The following PPP6C variants were observed in gnomAD, a reference collection of about 807,000 sequenced individuals.
PPP6C encodes the protein serine/threonine-protein phosphatase 6 catalytic subunit.
PPP6C carries 11 observed loss-of-function variants against 39.8 expected under a neutral mutation model. The ratio of observed to expected loss-of-function variants is 0.28; its 90% CI spans 0.17 to 0.46. The LOEUF is 0.46. Ranked by LOEUF, PPP6C falls within the 20% of genes least tolerant of loss-of-function variation. The pLI, the probability that PPP6C is intolerant of heterozygous loss-of-function variation, is 1.00. For missense variants in PPP6C, 211 were observed against 373.9 expected (o/e 0.56, Z 3.59); for synonymous variants, 129 against 130.3 (o/e 0.99, Z 0.07).
At chr9:125,155,208 T>C (rs1015691172) in intron 4 of PPP6C, among the ~76,000 whole-genome samples, 5 of 152,082 alleles carry the variant, frequency 3.3e-5, no homozygotes, top group Non-Finnish European at 7.4e-5. Context: ...ACCCTGACTG[T>C]CTACATAGTT....
At chr9:125,169,238 A>G (rs1210448092) in intron 2 of PPP6C, among the ~76,000 whole-genome samples, 1 of 152,230 alleles carries the variant, frequency 6.6e-6, no homozygotes, top group African/African-American at 2.4e-5. Context: ...CATTGTCTAC[A>G]AAATAATCCT....
At chr9:125,171,240 T>G in intron 1 of PPP6C, 60 bp from the exon 2 acceptor site, 4 of 1,345,312 alleles carry the variant, frequency 3.0e-6, no homozygotes, top group Non-Finnish European at 4.1e-6. Flanking sequence ...AAAGATAAAA[T>G]ACCAAAAAAG....
At chr9:125,182,842 G>T (rs894678444) in intron 1 of PPP6C, among the ~76,000 whole-genome samples, 1 of 151,154 alleles carries the variant, frequency 6.6e-6, no homozygotes, top group Non-Finnish European at 1.5e-5. Flanking sequence ...TCTTTGGGGG[G>T]CAAAATTGCC....
At chr9:125,170,755 T>G (rs1025436748) in intron 2 of PPP6C, among the ~76,000 whole-genome samples, 1 of 152,116 alleles carries the variant, frequency 6.6e-6, no homozygotes, top group African/African-American at 2.4e-5. Flanking sequence ...CACCAAAACA[T>G]CTCCTGTTAA....
At chr9:125,161,174 CTT>C (rs1828867172) in intron 2 of PPP6C, among the ~76,000 whole-genome samples, 2 of 152,186 alleles carry the variant, frequency 1.3e-5, no homozygotes, top group Admixed American at 6.6e-5. Flanking sequence ...CCATCTATCT[CTT>C]GAGAATTCTG....
At chr9:125,175,795 A>G (rs1189521487) in intron 1 of PPP6C, among the ~76,000 whole-genome samples, 1 of 152,186 alleles carries the variant, frequency 6.6e-6, no homozygotes, top group African/African-American at 2.4e-5. Flanking sequence ...GTTCAATGCA[A>G]CAAATATTTA....
At chr9:125,156,138 TAAAA>T (rs775040183) in intron 4 of PPP6C, among the ~76,000 whole-genome samples, 1 of 151,990 alleles carries the variant, frequency 6.6e-6, no homozygotes, top group African/African-American at 2.4e-5. Context: ...TGAATGAAAA[TAAAA>T]AGTCACCTGT....
chr9:125,188,275 C>T (rs1829574624), intron 1 of PPP6C, among the ~76,000 whole-genome samples: 1 of 151,894 alleles, frequency 6.6e-6, no homozygotes, highest in African/African-American at 2.4e-5. Context: ...GTCCCAGCTA[C>T]TCGGGAGACT....
At chr9:125,150,897 CA>C (rs757173959) in intron 6 of PPP6C, 270 of 878,068 alleles carry the variant, frequency 3.1e-4, no homozygotes, top group Non-Finnish European at 4.7e-4. Flanking sequence ...TTCAGCGAGC[CA>C]GCTTACTGCA....
intron 2 of PPP6C, among the ~76,000 whole-genome samples, chr9:125,163,878 G>A (rs1365242639): frequency 7.0e-6 from 1 of 142,064 alleles, no homozygotes; most frequent in South Asian, 2.2e-4. Context: ...ACGGAGTTTC[G>A]TTCTTGTTGT....
chr9:125,189,735 C>T lies in PPP6C; in HGVS notation c.-17G>A, dbSNP rs1041020914. ...CGGCGCCATTTTAAGAATAACAAGC[C>T]GCGGCAACAGCGGCGGCGGCGGCTG... On this transcript the variant is annotated 5_prime_UTR_variant, in exon 1 of 7. Coordinates refer to ENST00000373547, the MANE Select transcript of PPP6C (RefSeq NM_002721.5). 1.9e-6 allele frequency: 3 copies of T among 1,566,490 alleles called. No individual in the cohort carries two copies. The highest frequency in any genetic ancestry group is 4.8e-5 in the East Asian group (2 of 41,500).
rs138589726 is a variant in PPP6C, at chr9:125,187,743, T to C, written c.75+1901A>G. On this transcript the variant is annotated intron_variant, in intron 1 of 6. Transcript: ENST00000373547. ...ACTAAGAGGTCTGGTTAGTTTTCCA[T>C]GAATTGGGTCCCAATGCTAGTTGTA... Among the ~76,000 whole-genome samples, 1,291 of 152,074 alleles carry C rather than the reference T, an allele frequency of 8.5e-3. 5 individuals are homozygous for C. The highest frequency in any genetic ancestry group is 0.024 in the Middle Eastern group (7 of 294).
intron 1 of PPP6C, among the ~76,000 whole-genome samples, chr9:125,189,407 C>T (rs553147529): frequency 2.6e-5 from 4 of 152,328 alleles, no homozygotes; most frequent in African/African-American, 9.6e-5. Context: ...GAAGGGGCGA[C>T]CCTGGGACAG....
chr9:125,153,457 T>A, intron 6 of PPP6C, 76 bp downstream of exon 6: 1 of 1,372,432 alleles, frequency 7.3e-7, no homozygotes. Context: ...ACAAGTTTGT[T>A]ATCTAGGGCC....
In PPP6C at chr9:125,149,225, T is replaced by G. The variant is rs913488478; in HGVS notation, c.*448A>C. 2 of 154,266 alleles carry G rather than the reference T, an allele frequency of 1.3e-5. No individual in the cohort carries two copies. Among genetic ancestry groups the G allele is most frequent in the South Asian group, 4.0e-4 (2 of 4,964 alleles). 9.6% of individuals were successfully genotyped at this position (154,266 alleles called of 1,614,324 possible). On this transcript the variant is annotated 3_prime_UTR_variant, in exon 7 of 7. Coordinates refer to ENST00000373547, the MANE Select transcript of PPP6C (RefSeq NM_002721.5). ...GACAGGTATACATAACTTGAGGCATTTGGAGTCCATCGTGCCCACTGAATA... is the reference window on the plus strand; with the variant it reads ...GACAGGTATACATAACTTGAGGCATGTGGAGTCCATCGTGCCCACTGAATA...
intron 1 of PPP6C, among the ~76,000 whole-genome samples, chr9:125,183,938 A>G (rs1394636725): frequency 6.6e-6 from 1 of 152,218 alleles, no homozygotes; most frequent in South Asian, 2.1e-4. Flanking sequence ...CACAGGGAAC[A>G]GTACTCAACA....
At chr9:125,173,033 T>C (rs1335844973) in intron 1 of PPP6C, among the ~76,000 whole-genome samples, 1 of 152,140 alleles carries the variant, frequency 6.6e-6, no homozygotes, top group Non-Finnish European at 1.5e-5. Flanking sequence ...TCCCAGCATT[T>C]TGGGAGGCCA....
intron 3 of PPP6C, among the ~76,000 whole-genome samples, chr9:125,158,649 A>C (rs895140036): frequency 1.3e-5 from 2 of 151,772 alleles, no homozygotes; most frequent in East Asian, 1.9e-4. Context: ...GAAAAAAAAA[A>C]CCACCATTTT....
intron 2 of PPP6C, among the ~76,000 whole-genome samples, chr9:125,166,791 A>G (rs533021551): frequency 1.3e-5 from 2 of 152,232 alleles, no homozygotes; most frequent in South Asian, 4.1e-4. Context: ...CTGGGATTAC[A>G]GGTGTGAGCC....
Sources: allele counts gnomAD v4.1 joint callset (sites outside exome capture counted in the v4.1 genomes callset), GRCh38; gene constraint gnomAD v4.1.1; transcripts MANE v1.5; gene names NCBI Gene and HGNC (gene_info 2026-07-23, HGNC 2026-07-21).